Variants in EFR3B observed in about 807,000 individuals in gnomAD.
EFR3B encodes the protein EFR3 homolog B.
A neutral mutation model predicts 104.7 loss-of-function variants in EFR3B; 64 were observed. That is an observed-to-expected ratio of 0.61 (90% CI 0.50 to 0.75). The LOEUF (loss-of-function observed/expected upper bound fraction) is 0.75, where lower values mean the gene tolerates loss of function less well. Ranked by LOEUF, EFR3B falls within the 30% of genes least tolerant of loss-of-function variation. EFR3B has a pLI of 0.00. For synonymous variants in EFR3B, 385 were observed against 417.9 expected, an observed-to-expected ratio of 0.92 and a Z score of 0.96; for missense variants, 750 against 1,078.5, an observed-to-expected ratio of 0.70 and a Z score of 4.27.
chr2:25,050,144 T>A (rs868099666), intron 1 of EFR3B, among the ~76,000 whole-genome samples: 25 of 146,446 alleles, frequency 1.7e-4, no homozygotes, highest in Non-Finnish European at 2.7e-4. Context: ...AAAAAAAAAA[T>A]AGATAAGGAG....
intron 1 of EFR3B, among the ~76,000 whole-genome samples, chr2:25,054,793 T>C (rs1390089917): frequency 1.3e-5 from 2 of 152,190 alleles, no homozygotes; most frequent in Non-Finnish European, 2.9e-5. Context: ...CCTGCCTCGG[T>C]GCTGTCTGTC....
intron 1 of EFR3B, among the ~76,000 whole-genome samples, chr2:25,056,340 C>G (rs995738202): frequency 6.6e-5 from 10 of 151,854 alleles, no homozygotes; most frequent in Non-Finnish European, 1.5e-5. Context: ...TTGTGGCACT[C>G]AGGATAAATG....
chr2:25,091,585 G>A (rs78313915), intron 2 of EFR3B, among the ~76,000 whole-genome samples, 184 bp downstream of exon 2: 116 of 152,330 alleles, frequency 7.6e-4, no homozygotes, highest in African/African-American at 2.5e-3. Context: ...GTGAGAGGCC[G>A]CTAGGGACAT....
chr2:25,130,513 G>A lies in EFR3B; in HGVS notation c.771-39G>A. 2 of 1,495,378 alleles carry A rather than the reference G, an allele frequency of 1.3e-6. No individual in the cohort carries two copies. Among genetic ancestry groups the A allele is most frequent in the South Asian group, 2.4e-5 (2 of 82,872 alleles). 92.6% of individuals were successfully genotyped at this position (1,495,378 alleles called of 1,614,324 possible). ...AATCTCTTCTCCCTAACACTGCCGG[G>A]AGTTTCATAGTTGTTCCCCCACGTT... On this transcript the variant is annotated intron_variant, in intron 7 of 22. Transcript: ENST00000403714. This position sits in a 1 kb window ranked among gnomAD's most constrained non-coding sequence, Gnocchi z 4.6.
At chr2:25,140,558 T>C (rs1158624749) in intron 16 of EFR3B, among the ~76,000 whole-genome samples, 3 of 152,132 alleles carry the variant, frequency 2.0e-5, no homozygotes, top group Non-Finnish European at 4.4e-5. Context: ...CACACCTGTA[T>C]GTTGACCATC....
intron 5 of EFR3B, among the ~76,000 whole-genome samples, chr2:25,127,638 T>G (rs547632715): frequency 7.6e-4 from 116 of 152,290 alleles, no homozygotes; most frequent in African/African-American, 2.7e-3. Flanking sequence ...GTGCTGACCC[T>G]GGGTTCACAT....
intron 1 of EFR3B, among the ~76,000 whole-genome samples, chr2:25,061,446 A>G (rs1668192557): frequency 6.6e-6 from 1 of 150,982 alleles, no homozygotes; most frequent in African/African-American, 2.4e-5. Flanking sequence ...TGCCTCTCAC[A>G]CGGGCAACGT....
intron 3 of EFR3B, among the ~76,000 whole-genome samples, chr2:25,097,567 G>T (rs1274943537): frequency 6.6e-6 from 1 of 152,156 alleles, no homozygotes; most frequent in African/African-American, 2.4e-5. Context: ...CCCCATTTCA[G>T]TTGTGTGTGG....
intron 4 of EFR3B, among the ~76,000 whole-genome samples, chr2:25,112,757 C>T (rs191381760): frequency 6.6e-6 from 1 of 152,218 alleles, no homozygotes; most frequent in African/African-American, 2.4e-5. Flanking sequence ...GTTCTCCTTT[C>T]TCTTTGTAGG....
chr2:25,091,250 C>A (rs1341653733), intron 1 of EFR3B, 75 bp from the exon 2 acceptor site: 14 of 1,417,602 alleles, frequency 9.9e-6, no homozygotes, highest in Non-Finnish European at 1.4e-5. Context: ...TCACAGGCTG[C>A]CCTGGCCCTG....
At chr2:25,075,716 A>G (rs536743193) in intron 1 of EFR3B, among the ~76,000 whole-genome samples, 80 of 152,368 alleles carry the variant, frequency 5.3e-4, no homozygotes, top group African/African-American at 1.9e-3. Context: ...ATATTAGATA[A>G]GAGCCTAGGT....
intron 19 of EFR3B, chr2:25,145,311 C>G (rs889157033): frequency 5.1e-5 from 27 of 533,434 alleles, no homozygotes; most frequent in Admixed American, 2.2e-4. Context: ...GTGGCTCACA[C>G]CTGTGATCCC....
chr2:25,081,164 C>A, intron 1 of EFR3B: 1 of 720,052 alleles, frequency 1.4e-6, no homozygotes, highest in South Asian at 1.5e-5. Flanking sequence ...CCTTTTCTCC[C>A]ATTTGCTTGG....
At chr2:25,141,912 G>C (rs1400120366) in intron 17 of EFR3B, among the ~76,000 whole-genome samples, 1 of 152,164 alleles carries the variant, frequency 6.6e-6, no homozygotes, top group Non-Finnish European at 1.5e-5. Context: ...TGTTTTAGAA[G>C]AATATTTAAT....
chr2:25,095,847 TA>T (rs976975710), intron 3 of EFR3B, among the ~76,000 whole-genome samples: 1 of 152,194 alleles, frequency 6.6e-6, no homozygotes, highest in Non-Finnish European at 1.5e-5. Flanking sequence ...ACTTCCACAA[TA>T]AAAAACATGA....
At chr2:25,060,049 T>G (rs1227596439) in intron 1 of EFR3B, among the ~76,000 whole-genome samples, 4 of 151,300 alleles carry the variant, frequency 2.6e-5, no homozygotes, top group Non-Finnish European at 5.9e-5. Flanking sequence ...ATACAAAAAT[T>G]AGCCAGGTGT....
In EFR3B at chr2:25,149,760, G is replaced by T; in HGVS notation, c.2191+18G>T. 2 of 1,551,304 alleles carry T rather than the reference G, an allele frequency of 1.3e-6. No homozygotes were observed. Among genetic ancestry groups the T allele is most frequent in the South Asian group, 1.2e-5 (1 of 84,040 alleles). ...AGCCATTGGTAAGTCAGGGCAAAGG[G>T]ACTCTGGTTAGAGGGCAAAATGGGG... On this transcript the variant is annotated intron_variant, in intron 20 of 22. Transcript: ENST00000403714.
At chr2:25,053,761 G>T (rs1263908383) in intron 1 of EFR3B, among the ~76,000 whole-genome samples, 1 of 152,166 alleles carries the variant, frequency 6.6e-6, no homozygotes, top group Non-Finnish European at 1.5e-5. Context: ...ACAAAAATTG[G>T]CTGGGCATGG....
At position 25,141,347 on chromosome 2, in the gene EFR3B, G is replaced by A; in HGVS notation, c.1855-19G>A. The A allele has an allele frequency of 6.4e-6, 10 of 1,550,796 alleles. No individual in the cohort carries two copies. The highest frequency in any genetic ancestry group is 7.8e-6 in the Non-Finnish European group (9 of 1,146,510). On this transcript the variant is annotated intron_variant, in intron 16 of 22. Coordinates refer to ENST00000403714, the MANE Select transcript of EFR3B (RefSeq NM_014971.2). The stretch of plus-strand genomic sequence containing the variant: ...CTCCCTGCTGAACCAGCTCTTATCT[G>A]ATTCCTCCCAACCGCCAGGTGATAG...
Sources: gnomAD v4.1 joint callset for allele counts (sites outside exome capture counted in the v4.1 genomes callset) on GRCh38, gnomAD v4.1.1 for gene constraint, Gnocchi (gnomAD v3.1) non-coding constraint, MANE v1.5 for transcripts, NCBI Gene and HGNC (gene_info 2026-07-23, HGNC 2026-07-21) for gene names.